ESR1: variants seen among roughly 807,000 people sequenced by gnomAD.
ESR1 encodes estrogen receptor 1.
ESR1 carries 12 observed loss-of-function variants against 52.7 expected under a neutral mutation model. The observed-to-expected ratio is 0.23, with a 90% confidence interval of 0.15 to 0.37. ESR1 has a LOEUF of 0.37. Ranked by LOEUF, ESR1 falls within the 10% of genes least tolerant of loss-of-function variation. ESR1 has a pLI of 1.00. For synonymous variants in ESR1, 305 were observed against 316.8 expected, an observed-to-expected ratio of 0.96 and a Z score of 0.39; for missense variants, 584 against 779.7, an observed-to-expected ratio of 0.75 and a Z score of 2.99.
intron 3 of ESR1, among the ~76,000 whole-genome samples, chr6:151,925,625 A>G (rs1562555274): frequency 6.6e-6 from 1 of 152,116 alleles, no homozygotes; most frequent in Non-Finnish European, 1.5e-5. Flanking sequence ...ATACATACAT[A>G]CATACGTACA....
intron 2 of ESR1, among the ~76,000 whole-genome samples, chr6:151,846,462 A>G (rs746703719): frequency 6.6e-6 from 1 of 152,208 alleles, no homozygotes; most frequent in Non-Finnish European, 1.5e-5. Flanking sequence ...CTCTTTATAA[A>G]TCACACTGCC....
chr6:152,120,129 T>C (rs186209152), intron 6 of ESR1, among the ~76,000 whole-genome samples: 18 of 152,354 alleles, frequency 1.2e-4, no homozygotes, highest in Admixed American at 4.6e-4. Flanking sequence ...AGGAAGTCAG[T>C]TGACAGTGAT....
chr6:151,706,422 T>C (rs1351001298), intron 2 of ESR1, among the ~76,000 whole-genome samples: 1 of 152,158 alleles, frequency 6.6e-6, no homozygotes, highest in Admixed American at 6.6e-5. Context: ...TACTGGGTCT[T>C]GGGAAGAAGA....
chr6:151,665,845 A>G (rs1777804388), intron 1 of ESR1, among the ~76,000 whole-genome samples: 1 of 152,250 alleles, frequency 6.6e-6, no homozygotes, highest in African/African-American at 2.4e-5. Flanking sequence ...TCGAAGAGAC[A>G]GAGACAAGAA....
intron 1 of ESR1, chr6:151,814,144 C>T (rs1779258789): frequency 6.6e-6 from 1 of 152,272 alleles, no homozygotes; most frequent in Non-Finnish European, 1.5e-5. Context: ...ACTTCCTGGG[C>T]AGTTTTCTTG....
intron 6 of ESR1, among the ~76,000 whole-genome samples, chr6:152,077,465 A>G (rs1234398501): frequency 6.6e-6 from 1 of 152,182 alleles, no homozygotes; most frequent in Non-Finnish European, 1.5e-5. Context: ...GGCACTGCCT[A>G]GTGGAGCTGT....
At chr6:151,759,830 G>T (rs1189464764) in intron 2 of ESR1, among the ~76,000 whole-genome samples, 3 of 152,180 alleles carry the variant, frequency 2.0e-5, no homozygotes, top group African/African-American at 7.2e-5. Context: ...GTACAGCTTT[G>T]CTTCTCTGAT....
In ESR1 at chr6:151,966,333, A is replaced by T. The variant is rs566255022; in HGVS notation, c.1096+21825A>T. On this transcript the variant is annotated intron_variant, in intron 4 of 7. Coordinates refer to ENST00000206249, the MANE Select transcript of ESR1 (RefSeq NM_000125.4). ...ATATTACTTATCTTCAGAATGATGA[A>T]CCTTCTCTATCATGTCTCTAGGTGT... Among the ~76,000 whole-genome samples the T allele has an allele frequency of 5.3e-5, 8 of 152,164 alleles. No individual in the cohort carries two copies. In the South Asian group the frequency reaches 1.7e-3, roughly 32 times the overall value.
chr6:151,757,152 A>G (rs1371914154), intron 2 of ESR1, among the ~76,000 whole-genome samples: 1 of 152,092 alleles, frequency 6.6e-6, no homozygotes, highest in Non-Finnish European at 1.5e-5. Context: ...CTCCCTACTC[A>G]GTGGGTCCTG....
intron 2 of ESR1, among the ~76,000 whole-genome samples, chr6:151,859,526 G>A (rs1468706262): frequency 3.3e-5 from 5 of 152,112 alleles, no homozygotes; most frequent in Admixed American, 3.3e-4. Flanking sequence ...AGACCTTAGT[G>A]ATCACAGACC....
chr6:152,006,335 T>A (rs1240728537), intron 4 of ESR1, among the ~76,000 whole-genome samples: 1 of 151,986 alleles, frequency 6.6e-6, no homozygotes, highest in African/African-American at 2.4e-5. Flanking sequence ...TGTTACAGAA[T>A]GGGAATCATA....
chr6:151,973,514 A>C (rs1308353581), intron 4 of ESR1, among the ~76,000 whole-genome samples: 1 of 152,134 alleles, frequency 6.6e-6, no homozygotes, highest in Non-Finnish European at 1.5e-5. Flanking sequence ...CCTCAGGCTG[A>C]GTGTTTTGGA....
At chr6:151,943,033 C>G (rs916672305) in intron 3 of ESR1, among the ~76,000 whole-genome samples, 1 of 152,050 alleles carries the variant, frequency 6.6e-6, no homozygotes, top group Non-Finnish European at 1.5e-5. Flanking sequence ...AAGATTGGAT[C>G]CCCCCTCTTC....
intron 2 of ESR1, among the ~76,000 whole-genome samples, chr6:151,712,616 G>A (rs1048370701): frequency 6.6e-6 from 1 of 152,158 alleles, no homozygotes; most frequent in African/African-American, 2.4e-5. Context: ...GTGAATGGAA[G>A]TGCACTCATG....
intron 6 of ESR1, among the ~76,000 whole-genome samples, chr6:152,088,590 A>G (rs9341039): frequency 0.013 from 1,963 of 152,292 alleles, 29 homozygotes; most frequent in African/African-American, 0.043. Context: ...TTATCCCAGG[A>G]GTGGGACTGG....
intron 6 of ESR1, among the ~76,000 whole-genome samples, chr6:152,082,473 A>G (rs2049308716): frequency 6.6e-6 from 1 of 152,236 alleles, no homozygotes; most frequent in African/African-American, 2.4e-5. Flanking sequence ...CAAAATAATA[A>G]GAGCTATTTA....
At chr6:152,018,949 G>C (rs2043391773) in intron 5 of ESR1, among the ~76,000 whole-genome samples, 1 of 152,144 alleles carries the variant, frequency 6.6e-6, no homozygotes, top group African/African-American at 2.4e-5. Context: ...AGATAGGAAA[G>C]AGTTTTGCTA....
chr6:151,693,444 T>TTCCG (rs386408966), intron 1 of ESR1, among the ~76,000 whole-genome samples: 2 of 151,882 alleles, frequency 1.3e-5, no homozygotes, highest in African/African-American at 4.8e-5. Context: ...TCCATCATTC[T>TTCCG]TCCATCATTC....
At position 152,103,274 on chromosome 6, in the gene ESR1, A is replaced by G. The variant is rs1454373451; in HGVS notation, c.*4308A>G. 5.6e-6 allele frequency: 1 copy of G among 178,954 alleles called. No individual in the cohort carries two copies. The highest frequency in any genetic ancestry group is 2.4e-5 in the African/African-American group (1 of 42,312). The allele number at this position is 178,954 out of a possible 1,614,324, so 11.1% of individuals were successfully genotyped here. ...ATGTTCAAATAAAGAATTAAACTAA[A>G]GACAACGAGTTTGTTTTTTGTAAGC... On this transcript the variant is annotated 3_prime_UTR_variant, in exon 8 of 8. Transcript: ENST00000206249.
Sources: gnomAD v4.1 joint callset for allele counts (sites outside exome capture counted in the v4.1 genomes callset) on GRCh38, gnomAD v4.1.1 for gene constraint, MANE v1.5 for transcripts, NCBI Gene and HGNC (gene_info 2026-07-23, HGNC 2026-07-21) for gene names.